The following TBC1D2 variants were observed in gnomAD, a reference collection of about 807,000 sequenced individuals.
TBC1D2 encodes TBC1 domain family member 2, also known as TBC1 domain family member 2A.
In TBC1D2, 58 loss-of-function variants were observed where a neutral mutation model predicts 91.1. The observed-to-expected ratio is 0.64, with a 90% confidence interval of 0.52 to 0.79. The LOEUF (loss-of-function observed/expected upper bound fraction) is 0.79. TBC1D2 is among the 30% of genes least tolerant of loss of function. TBC1D2 has a pLI of 0.00. For synonymous variants in TBC1D2, 482 were observed against 511.5 expected (o/e 0.94, Z 0.78); for missense variants, 1,080 against 1,208.3 (o/e 0.89, Z 1.57).
intron 6 of TBC1D2, among the ~76,000 whole-genome samples, chr9:98,220,334 G>A (rs1829065033): frequency 6.6e-6 from 1 of 152,226 alleles, no homozygotes; most frequent in African/African-American, 2.4e-5. Flanking sequence ...CACCCACCGA[G>A]GGCAGTGCCT....
At chr9:98,243,370 TA>T (rs1034498621) in intron 3 of TBC1D2, among the ~76,000 whole-genome samples, 3 of 151,640 alleles carry the variant, frequency 2.0e-5, no homozygotes, top group Non-Finnish European at 4.4e-5. Context: ...TATGGATAAT[TA>T]AAAAAAATAC....
intron 3 of TBC1D2, among the ~76,000 whole-genome samples, chr9:98,240,592 T>C (rs983023368): frequency 1.3e-5 from 2 of 152,176 alleles, no homozygotes; most frequent in South Asian, 2.1e-4. Flanking sequence ...GCCATATCCC[T>C]ATAGCTAGAG....
At chr9:98,220,694 T>G in intron 6 of TBC1D2, 139 bp downstream of exon 6, 1 of 1,068,926 alleles carries the variant, frequency 9.4e-7, no homozygotes, top group Non-Finnish European at 1.3e-6. Flanking sequence ...CATCAACATG[T>G]GTTTCTAATG....
At position 98,203,309 on chromosome 9, in the gene TBC1D2, G is replaced by A. The variant is rs539681874; in HGVS notation, c.2250C>T (p.Cys750=). 9.3e-6 allele frequency: 15 copies of A among 1,614,252 alleles called. No individual in the cohort carries two copies. In the East Asian group the frequency reaches 2.7e-4, roughly 29 times the overall value. Residue 750 remains cysteine, a synonymous_variant, in exon 10 of 13, where the codon TGC becomes TGT. Transcript: ENST00000465784. ...TTACCTGGGATGCCGTCAGCGTGTTGCAGTAGTAATCAGCGGGCATGATGG... is the reference window on the plus strand; with the variant it reads ...TTACCTGGGATGCCGTCAGCGTGTTACAGTAGTAATCAGCGGGCATGATGG... ...VETIMPADYY[C]NTLTASQVDQ... is the part of the protein sequence containing the mutation.
intron 7 of TBC1D2, among the ~76,000 whole-genome samples, chr9:98,211,919 T>A (rs948989992): frequency 1.3e-5 from 2 of 151,942 alleles, no homozygotes; most frequent in Non-Finnish European, 2.9e-5. Context: ...TGCCTCAGCC[T>A]CCTGAGTAGC....
chr9:98,255,442 A>G lies in TBC1D2; in HGVS notation c.100T>C (p.Ser34Pro), dbSNP rs776979128. 1.2e-6 allele frequency: 2 copies of G among 1,606,038 alleles called. No homozygotes were observed. Among genetic ancestry groups the G allele is most frequent in the East Asian group, 4.5e-5 (2 of 44,780 alleles). The part of the protein sequence containing the change: ...DPQVPPPEEE[S>P]GDCARSLEAV... ...TCCAGGGACCGGGCGCAGTCCCCCG[A>G]TTCTTCCTCCGGAGGCGGCACCTGT... The change falls in exon 1 of 13, where the codon TCG (serine) becomes CCG (proline). Residue 34 changes from serine to proline, a missense_variant. Coordinates refer to ENST00000465784, the MANE Select transcript of TBC1D2 (RefSeq NM_001267571.2).
Position 98,220,886 on chromosome 9 carries a change from CG to C in TBC1D2, c.1320del (p.Asp441ThrfsTer8), listed in dbSNP as rs1564244262. 1 of 1,614,132 alleles carries C rather than the reference CG, an allele frequency of 6.2e-7. No individual in the cohort carries two copies. Among genetic ancestry groups the C allele is most frequent in the South Asian group, 1.1e-5 (1 of 91,082 alleles). On this transcript the variant is annotated frameshift_variant, in exon 6 of 13. Coordinates refer to ENST00000465784, the MANE Select transcript of TBC1D2 (RefSeq NM_001267571.2). LOFTEE classifies it high-confidence loss of function. The stretch of plus-strand genomic sequence containing the variant: ...CTCAGGAAGTCCCTGTTGGCAGCGT[CG>C]GGGCGCAAAGGAGACTGGTCAGGGG... ...THPPDQSPLR[P>X]DAANRDFLSQ...
chr9:98,233,765 T>C (rs970732121), intron 3 of TBC1D2, among the ~76,000 whole-genome samples: 1 of 152,172 alleles, frequency 6.6e-6, no homozygotes. Flanking sequence ...TTCCACACAC[T>C]ATGTGGCTTA....
chr9:98,232,309 G>C (rs1405840246), intron 4 of TBC1D2, among the ~76,000 whole-genome samples: 3 of 142,914 alleles, frequency 2.1e-5, no homozygotes, highest in Admixed American at 7.0e-5. Flanking sequence ...CTGCTCCAAA[G>C]GGTGCTTTTT....
intron 5 of TBC1D2, among the ~76,000 whole-genome samples, chr9:98,225,483 T>C (rs949750701): frequency 6.6e-6 from 1 of 152,186 alleles, no homozygotes; most frequent in African/African-American, 2.4e-5. Context: ...CATGAGACTA[T>C]GGAAGAGAGG....
chr9:98,240,337 T>G (rs1433483917), intron 3 of TBC1D2, among the ~76,000 whole-genome samples: 1 of 152,172 alleles, frequency 6.6e-6, no homozygotes, highest in Admixed American at 6.5e-5. Context: ...ACCTGATCTT[T>G]TGCTGTAATT....
At chr9:98,248,695 A>C (rs193138596) in intron 2 of TBC1D2, among the ~76,000 whole-genome samples, 16 of 152,280 alleles carry the variant, frequency 1.1e-4, no homozygotes, top group Admixed American at 1.0e-3. Context: ...CTACTCTATA[A>C]AATTATTGTG....
chr9:98,229,447 C>T (rs965185382), intron 4 of TBC1D2, among the ~76,000 whole-genome samples: 5 of 152,228 alleles, frequency 3.3e-5, no homozygotes, highest in African/African-American at 1.2e-4. Context: ...TCCTTCAGAT[C>T]CCACCCAGCC....
chr9:98,205,666 G>C (rs992638458), intron 9 of TBC1D2, among the ~76,000 whole-genome samples: 2 of 151,932 alleles, frequency 1.3e-5, no homozygotes, highest in South Asian at 4.2e-4. Flanking sequence ...CGAGTAGCTA[G>C]AACTACAGGC....
intron 2 of TBC1D2, 59 bp downstream of exon 2, chr9:98,251,726 G>A (rs966279157): frequency 6.7e-7 from 1 of 1,497,522 alleles, no homozygotes; most frequent in Non-Finnish European, 8.9e-7. Flanking sequence ...CAGCAGGAGG[G>A]TAAAGGCTTA....
intron 6 of TBC1D2, among the ~76,000 whole-genome samples, chr9:98,214,810 A>T (rs575840939): frequency 1.3e-5 from 2 of 152,264 alleles, no homozygotes; most frequent in South Asian, 4.1e-4. Flanking sequence ...CCAGAGCCTG[A>T]CACACTAGAA....
At chr9:98,239,891 A>G (rs969448940) in intron 3 of TBC1D2, among the ~76,000 whole-genome samples, 4 of 152,138 alleles carry the variant, frequency 2.6e-5, no homozygotes, top group African/African-American at 9.7e-5. Flanking sequence ...CTTCTTGCGT[A>G]TATTTTAGTA....
chr9:98,251,141 C>T (rs915453467), intron 2 of TBC1D2, among the ~76,000 whole-genome samples: 2 of 152,028 alleles, frequency 1.3e-5, no homozygotes, highest in African/African-American at 2.4e-5. Context: ...AAAAATTAGC[C>T]GGGCGTGGTG....
chr9:98,246,932 G>A (rs962857937), intron 2 of TBC1D2, among the ~76,000 whole-genome samples: 1 of 152,054 alleles, frequency 6.6e-6, no homozygotes, highest in African/African-American at 2.4e-5. Context: ...GGTTTGAGCA[G>A]GAGGCTGAAG....
Sources: gnomAD v4.1 joint callset for allele counts (sites outside exome capture counted in the v4.1 genomes callset) on GRCh38, gnomAD v4.1.1 for gene constraint, MANE v1.5 for transcripts, NCBI Gene and HGNC (gene_info 2026-07-23, HGNC 2026-07-21) for gene names.